The following PDE11A variants were observed in gnomAD, a reference collection of about 807,000 sequenced individuals.
The protein encoded by PDE11A is dual 3',5'-cyclic-AMP and -GMP phosphodiesterase 11A.
In PDE11A, 100 loss-of-function variants were observed where a neutral mutation model predicts 100.5. The observed-to-expected ratio is 1.00, with a 90% confidence interval of 0.85 to 1.18. The LOEUF (loss-of-function observed/expected upper bound fraction) is 1.18. PDE11A is among the 50% of genes most tolerant of loss of function. The pLI is 0.00. For synonymous variants in PDE11A, 381 were observed against 420.8 expected, an observed-to-expected ratio of 0.91 and a Z score of 1.16; for missense variants, 1,141 against 1,152.6, an observed-to-expected ratio of 0.99 and a Z score of 0.15.
intron 18 of PDE11A, among the ~76,000 whole-genome samples, chr2:177,668,510 A>G (rs756079258): frequency 2.0e-5 from 3 of 152,198 alleles, no homozygotes; most frequent in East Asian, 1.9e-4. Flanking sequence ...GTGTGTTTCA[A>G]CCTATGTAGC....
intron 1 of PDE11A, chr2:178,039,060 G>A (rs2105847423): frequency 6.6e-6 from 1 of 152,200 alleles, no homozygotes; most frequent in African/African-American, 2.4e-5. Flanking sequence ...CTACCATAAA[G>A]GCATGCACAC....
intron 9 of PDE11A, among the ~76,000 whole-genome samples, chr2:177,781,490 T>C (rs2082452732): frequency 9.0e-6 from 1 of 111,082 alleles, no homozygotes; most frequent in African/African-American, 3.4e-5. Context: ...GAATTCTCAA[T>C]TTCTTTTTCT....
intron 1 of PDE11A, among the ~76,000 whole-genome samples, chr2:178,021,797 A>C (rs2086415898): frequency 6.6e-6 from 1 of 152,150 alleles, no homozygotes; most frequent in African/African-American, 2.4e-5. Flanking sequence ...AAAAGGAGAG[A>C]AGCATTAGGG....
chr2:177,701,176 G>C lies in PDE11A; in HGVS notation c.2189C>G (p.Ser730Cys). The C allele has an allele frequency of 6.2e-7, 1 of 1,608,034 alleles. No homozygotes were observed. Residue 730 changes from serine (S) to cysteine (C), a missense_variant, in exon 14 of 20, where the codon TCT (serine) becomes TGT (cysteine). Physicochemically the swap from Ser to Cys is moderately radical, Grantham distance 112. Transcript: ENST00000286063. ...GSALAQLYGT[S>C]ATLEHHHFNH... ...GAAATGGTGATGCTCCAAGGTAGCA[G>C]AGGTTCCATAGAGTTGGGCCAGGGC...
intron 16 of PDE11A, among the ~76,000 whole-genome samples, chr2:177,680,456 A>G (rs1170941995): frequency 2.0e-5 from 3 of 152,112 alleles, no homozygotes; most frequent in African/African-American, 7.2e-5. Context: ...TCTAAAGAAA[A>G]GCAAAAGTTA....
At chr2:178,104,548 G>T (rs1357482863) in intron 1 of PDE11A, 20 of 1,303,632 alleles carry the variant, frequency 1.5e-5, no homozygotes, top group Non-Finnish European at 6.5e-6. Context: ...GGAGAAAAAA[G>T]AATTCCATCA....
chr2:178,084,886 A>G (rs1325395202), intron 2 of PDE11A, among the ~76,000 whole-genome samples: 5 of 152,164 alleles, frequency 3.3e-5, no homozygotes, highest in East Asian at 1.9e-4. Flanking sequence ...CCTACTTAAC[A>G]TAAGTTTTGA....
In PDE11A at chr2:177,840,376, C is replaced by A. The variant is rs780484841; in HGVS notation, c.1375G>T (p.Glu459Ter). 1 of 1,613,836 alleles carries A rather than the reference C, an allele frequency of 6.2e-7. No homozygotes were observed. Among genetic ancestry groups the A allele is most frequent in the Non-Finnish European group, 8.5e-7 (1 of 1,179,782 alleles). Residue 459 changes from glutamate (E) to a stop codon, truncating the protein, a stop_gained, in exon 6 of 20, where the codon GAA (glutamate) becomes TAA (stop). Coordinates refer to ENST00000286063, the MANE Select transcript of PDE11A (RefSeq NM_016953.4). LOFTEE classifies it high-confidence loss of function. The part of the protein sequence containing the change: ...CSADAENSFK[E>*]SMEKSSYSDW... The stretch of plus-strand genomic sequence containing the variant: ...GAGTATGATGATTTCTCCATGCTTT[C>A]TTTGAAACTATCAGAGCACCAAGGT...
intron 5 of PDE11A, among the ~76,000 whole-genome samples, chr2:177,865,768 T>C (rs1029962901): frequency 7.2e-5 from 11 of 152,358 alleles, no homozygotes; most frequent in Middle Eastern, 3.4e-3. Context: ...ACATATTATA[T>C]AATTCCATTT....
chr2:177,944,239 G>A (rs2085377622), intron 2 of PDE11A, among the ~76,000 whole-genome samples: 1 of 152,212 alleles, frequency 6.6e-6, no homozygotes, highest in Non-Finnish European at 1.5e-5. Flanking sequence ...CCTCTAGAAA[G>A]AGACAAGAGG....
At chr2:177,644,554 G>A (rs1025678195) in intron 19 of PDE11A, among the ~76,000 whole-genome samples, 2 of 152,218 alleles carry the variant, frequency 1.3e-5, no homozygotes, top group African/African-American at 4.8e-5. Context: ...ATAGGCAGAA[G>A]GGATTTGCCT....
At chr2:177,849,338 T>C (rs993953935) in intron 5 of PDE11A, among the ~76,000 whole-genome samples, 1 of 152,170 alleles carries the variant, frequency 6.6e-6, no homozygotes, top group Non-Finnish European at 1.5e-5. Flanking sequence ...AGCTGGTCTT[T>C]AGAGGATAAG....
intron 18 of PDE11A, 139 bp downstream of exon 18, chr2:177,669,354 T>G (rs1290747094): frequency 1.6e-6 from 1 of 625,774 alleles, no homozygotes; most frequent in Non-Finnish European, 2.9e-6. Flanking sequence ...GCATTTGAGT[T>G]TAATTAAGGT....
At chr2:177,738,458 A>C (rs1273072290) in intron 10 of PDE11A, among the ~76,000 whole-genome samples, 1 of 152,190 alleles carries the variant, frequency 6.6e-6, no homozygotes, top group African/African-American at 2.4e-5. Context: ...ATTACACATT[A>C]AGGTTTAGAG....
chr2:177,793,082 A>G (rs2082654927), intron 9 of PDE11A, among the ~76,000 whole-genome samples: 2 of 152,148 alleles, frequency 1.3e-5, no homozygotes, highest in South Asian at 4.1e-4. Flanking sequence ...CAGAGGGAGC[A>G]GTCACCTTTG....
At chr2:177,958,059 T>G (rs1574307698) in intron 2 of PDE11A, among the ~76,000 whole-genome samples, 1 of 151,908 alleles carries the variant, frequency 6.6e-6, no homozygotes, top group Non-Finnish European at 1.5e-5. Flanking sequence ...CCCTGCTAAT[T>G]TTTGTATTTT....
chr2:177,749,723 AATT>A (rs928970918), intron 10 of PDE11A, among the ~76,000 whole-genome samples: 1 of 152,122 alleles, frequency 6.6e-6, no homozygotes, highest in Non-Finnish European at 1.5e-5. Context: ...TGGTAATACA[AATT>A]ATTATTATTA....
chr2:177,701,808 C>T (rs920434111), intron 13 of PDE11A, among the ~76,000 whole-genome samples: 7 of 152,176 alleles, frequency 4.6e-5, no homozygotes, highest in Non-Finnish European at 1.0e-4. Flanking sequence ...TACAGCTTTC[C>T]AGTCCATAGT....
At chr2:177,653,472 T>C (rs2080338931) in intron 19 of PDE11A, among the ~76,000 whole-genome samples, 1 of 152,182 alleles carries the variant, frequency 6.6e-6, no homozygotes, top group Non-Finnish European at 1.5e-5. Flanking sequence ...CCAAAAGCTA[T>C]GTTGAAGTTC....
Sources: allele counts gnomAD v4.1 joint callset (sites outside exome capture counted in the v4.1 genomes callset), GRCh38; gene constraint gnomAD v4.1.1; transcripts MANE v1.5; gene names NCBI Gene and HGNC (gene_info 2026-07-23, HGNC 2026-07-21).